ZNF609: variants seen among roughly 807,000 people sequenced by gnomAD.
ZNF609 encodes zinc finger protein 609.
In ZNF609, 11 loss-of-function variants were observed where a neutral mutation model predicts 109.5. The observed-to-expected ratio is 0.10, with a 90% CI of 0.06 to 0.17. The LOEUF is 0.17. Ranked by LOEUF, ZNF609 falls within the 10% of genes least tolerant of loss-of-function variation. ZNF609 has a pLI of 1.00. For missense variants in ZNF609, 1,559 were observed against 1,772.4 expected (o/e 0.88, Z 2.16); for synonymous variants, 646 against 662.0 (o/e 0.98, Z 0.37).
At chr15:64,646,634 CAAAAAAAAAAA>C (rs1180524819) in intron 3 of ZNF609, among the ~76,000 whole-genome samples, 1 of 30,692 alleles carries the variant, frequency 3.3e-5, no homozygotes, top group Non-Finnish European at 6.1e-5. Context: ...GACTCCATCT[CAAAAAAAAAAA>C]AAAAAAAAAA....
chr15:64,674,602 T>G lies in ZNF609; in HGVS notation c.1748T>G (p.Phe583Cys). Residue 583 changes from phenylalanine to cysteine, a missense_variant, in exon 5 of 10, where the codon TTC (phenylalanine) becomes TGC (cysteine). By Grantham distance (205) the Phe-to-Cys change is radical. Coordinates refer to ENST00000326648, the MANE Select transcript of ZNF609 (RefSeq NM_015042.2). The part of the protein sequence containing the change: ...EPHSPSPSSK[F>C]STKGLCKKKL... Reference sequence around the variant, plus strand: ...CATAGCCCTTCTCCTTCAAGCAAATTCAGCACAAAAGGCCTCTGTAAGAAA... The same window carrying G: ...CATAGCCCTTCTCCTTCAAGCAAATGCAGCACAAAAGGCCTCTGTAAGAAA... The G allele has an allele frequency of 6.2e-7, 1 of 1,613,940 alleles. No homozygotes were observed.
intron 2 of ZNF609, among the ~76,000 whole-genome samples, chr15:64,549,351 C>T (rs762813485): frequency 2.0e-5 from 3 of 152,044 alleles, no homozygotes; most frequent in African/African-American, 2.4e-5. Context: ...CCACCTCGCC[C>T]GGCTAATCTT....
rs187418124 is a variant in ZNF609 at position 64,612,887 on chromosome 15, C to T, written c.748-9940C>T. On this transcript the variant is annotated intron_variant, in intron 2 of 9. Coordinates refer to ENST00000326648, the MANE Select transcript of ZNF609 (RefSeq NM_015042.2). ...AAAATTAGCCAGGTGTGGTGGCATG[C>T]GTCTGTAATCCCAGCTACCCAGGAG... Among the ~76,000 whole-genome samples the T allele has an allele frequency of 1.9e-4, 29 of 152,072 alleles. No individual in the cohort carries two copies. The East Asian group carries it at 3.5e-3, about 18-fold the overall frequency.
intron 2 of ZNF609, among the ~76,000 whole-genome samples, chr15:64,618,608 T>C (rs969161537): frequency 1.3e-5 from 2 of 152,096 alleles, no homozygotes. Context: ...GCTCAGCAGA[T>C]TGGGGAGCCA....
At position 64,614,294 on chromosome 15, in the gene ZNF609, G is replaced by A. The variant is rs189322942; in HGVS notation, c.748-8533G>A. Among the ~76,000 whole-genome samples, 64 of 150,224 alleles carry A rather than the reference G, an allele frequency of 4.3e-4. No homozygotes were observed. In the East Asian group the frequency reaches 9.5e-3, roughly 22 times the overall value. ...CGCCCAGGCTGGAGTGCAGTGGCGC[G>A]ATCTTGGCTCACTGCAAGCTCCGCC... On this transcript the variant is annotated intron_variant, in intron 2 of 9. Transcript: ENST00000326648.
intron 4 of ZNF609, among the ~76,000 whole-genome samples, chr15:64,672,551 G>A (rs974066934): frequency 3.4e-5 from 5 of 147,492 alleles, no homozygotes; most frequent in Non-Finnish European, 7.5e-5. Flanking sequence ...CTTGAACCAG[G>A]GAGTTGGAGG....
intron 3 of ZNF609, chr15:64,631,354 T>G (rs926887014): frequency 1.4e-6 from 1 of 720,352 alleles, no homozygotes; most frequent in African/African-American, 1.7e-5. Flanking sequence ...AATCTTGCCC[T>G]TGTTTGTTTA....
In ZNF609 at chr15:64,517,998, C is replaced by T. The variant is rs1215458054; in HGVS notation, c.747+17832C>T. Among the ~76,000 whole-genome samples the T allele has an allele frequency of 4.6e-5, 7 of 152,076 alleles. No individual in the cohort carries two copies. The South Asian group carries it at 8.3e-4, about 18-fold the overall frequency. On this transcript the variant is annotated intron_variant, in intron 2 of 9. Transcript: ENST00000326648. The stretch of plus-strand genomic sequence containing the variant: ...TTCACCATGTTGCCCAGGCTCACCA[C>T]GTTGAACCCCTGGGCTCAAGTGATC...
At chr15:64,680,994 G>A in intron 8 of ZNF609, 132 bp downstream of exon 8, 2 of 917,024 alleles carry the variant, frequency 2.2e-6, no homozygotes, top group Non-Finnish European at 3.2e-6. Flanking sequence ...TTTTTTTTTT[G>A]AGCTTCTAAT....
intron 2 of ZNF609, among the ~76,000 whole-genome samples, chr15:64,519,718 T>G (rs1893863330): frequency 6.6e-6 from 1 of 152,178 alleles, no homozygotes; most frequent in Admixed American, 6.5e-5. Context: ...TAGTTTTCCT[T>G]TTTTCTTTTT....
intron 2 of ZNF609, among the ~76,000 whole-genome samples, chr15:64,576,431 T>A (rs1894953824): frequency 6.6e-6 from 1 of 152,092 alleles, no homozygotes; most frequent in South Asian, 2.1e-4. Context: ...CAGAATTTTT[T>A]ATCAGAATTT....
At chr15:64,658,992 A>G (rs1896534579) in intron 3 of ZNF609, among the ~76,000 whole-genome samples, 1 of 152,044 alleles carries the variant, frequency 6.6e-6, no homozygotes, top group East Asian at 1.9e-4. Flanking sequence ...ACGGGGTTTC[A>G]CCATGTTGGC....
intron 2 of ZNF609, among the ~76,000 whole-genome samples, chr15:64,598,759 T>C (rs924334602): frequency 4.0e-5 from 5 of 123,526 alleles, no homozygotes; most frequent in Admixed American, 4.0e-4. Context: ...TATATATATA[T>C]ATATATATAT....
At chr15:64,658,984 G>A (rs766831286) in intron 3 of ZNF609, among the ~76,000 whole-genome samples, 5 of 151,886 alleles carry the variant, frequency 3.3e-5, no homozygotes, top group African/African-American at 1.2e-4. Context: ...TAGTAGAGAC[G>A]GGGTTTCACC....
chr15:64,475,882 T>A (rs549559675), intron 1 of ZNF609, among the ~76,000 whole-genome samples: 1 of 152,354 alleles, frequency 6.6e-6, no homozygotes, highest in South Asian at 2.1e-4. Context: ...AATTGTGATT[T>A]TTTTAGACTT....
At chr15:64,468,919 C>G (rs1036201453) in intron 1 of ZNF609, among the ~76,000 whole-genome samples, 2 of 150,994 alleles carry the variant, frequency 1.3e-5, no homozygotes, top group African/African-American at 4.9e-5. Flanking sequence ...ATCATGATAC[C>G]AAGATTGAGA....
intron 2 of ZNF609, among the ~76,000 whole-genome samples, chr15:64,609,006 A>C (rs1014529988): frequency 6.6e-6 from 1 of 151,808 alleles, no homozygotes; most frequent in Non-Finnish European, 1.5e-5. Context: ...CAAAGTGCTG[A>C]GATGATAGGC....
chr15:64,514,228 A>G (rs1203373200), intron 2 of ZNF609, among the ~76,000 whole-genome samples: 1 of 152,124 alleles, frequency 6.6e-6, no homozygotes, highest in African/African-American at 2.4e-5. Context: ...TGCCAGTTAC[A>G]TACAGTTGAT....
At chr15:64,660,622 G>T (rs1053867123) in intron 3 of ZNF609, among the ~76,000 whole-genome samples, 4 of 152,032 alleles carry the variant, frequency 2.6e-5, no homozygotes, top group Non-Finnish European at 5.9e-5. Flanking sequence ...CTGGTCCACC[G>T]TTGTCACTAA....
Sources: allele counts gnomAD v4.1 joint callset (sites outside exome capture counted in the v4.1 genomes callset), GRCh38; gene constraint gnomAD v4.1.1; transcripts MANE v1.5; gene names NCBI Gene and HGNC (gene_info 2026-07-23, HGNC 2026-07-21).